The following JARID2 variants were observed in gnomAD, a reference collection of about 807,000 sequenced individuals.
The protein encoded by JARID2 is protein Jumonji.
Under a neutral mutation model 125.6 loss-of-function variants are expected in JARID2, and 21 were observed. The observed-to-expected ratio is 0.17, with a 90% CI of 0.12 to 0.24. JARID2 has a LOEUF of 0.24. Among genes scored for constraint, JARID2 ranks in the 10% least tolerant of loss-of-function variants. The pLI is 1.00. For synonymous variants in JARID2, 736 were observed against 661.6 expected (o/e 1.11, Z -1.73); for missense variants, 1,303 against 1,639.6 (o/e 0.79, Z 3.55).
intron 5 of JARID2, among the ~76,000 whole-genome samples, chr6:15,482,016 ACAAT>A (rs1769643823): frequency 6.6e-6 from 1 of 152,222 alleles, no homozygotes; most frequent in Non-Finnish European, 1.5e-5. Context: ...ACCTCAAAAT[ACAAT>A]CAAAGAGTTG....
chr6:15,287,910 G>C lies in JARID2; in HGVS notation c.45+41326G>C, dbSNP rs57445761. On this transcript the variant is annotated intron_variant, in intron 1 of 17. Coordinates refer to ENST00000341776, the MANE Select transcript of JARID2 (RefSeq NM_004973.4). ...TGTGAGCTTTCGGGGTGTGGTGACT[G>C]TTTCTGCCCCATTTACCGTTGATCT... Among the ~76,000 whole-genome samples the C allele has an allele frequency of 9.8e-3, 1,494 of 152,284 alleles. 27 individuals carry two copies. Among genetic ancestry groups the C allele is most frequent in the African/African-American group, 0.034 (1,413 of 41,554 alleles).
At chr6:15,463,339 T>G (rs528769564) in intron 4 of JARID2, among the ~76,000 whole-genome samples, 10 of 152,186 alleles carry the variant, frequency 6.6e-5, no homozygotes, top group African/African-American at 2.4e-4. Flanking sequence ...TCTCACTTGC[T>G]AAATAATGTG....
intron 1 of JARID2, among the ~76,000 whole-genome samples, chr6:15,263,403 C>T (rs1428936687): frequency 2.0e-5 from 3 of 152,020 alleles, no homozygotes; most frequent in African/African-American, 7.3e-5. Flanking sequence ...TCCAAGCCTG[C>T]TGAACCAAAA....
chr6:15,351,419 G>A (rs890052780), intron 1 of JARID2, among the ~76,000 whole-genome samples: 2 of 152,156 alleles, frequency 1.3e-5, no homozygotes, highest in Non-Finnish European at 2.9e-5. Context: ...TTCTAGCTGG[G>A]GTCCTCATGG....
chr6:15,462,670 A>G (rs1401200151), intron 4 of JARID2, among the ~76,000 whole-genome samples: 1 of 152,268 alleles, frequency 6.6e-6, no homozygotes, highest in Non-Finnish European at 1.5e-5. Context: ...AATTGGGTCA[A>G]GCAATAGAAT....
intron 1 of JARID2, among the ~76,000 whole-genome samples, chr6:15,312,003 C>G (rs890291858): frequency 6.6e-6 from 1 of 152,262 alleles, no homozygotes; most frequent in South Asian, 2.1e-4. Flanking sequence ...ATAGCTCATT[C>G]TACATATGCA....
intron 4 of JARID2, among the ~76,000 whole-genome samples, chr6:15,454,968 G>A (rs757782130): frequency 2.1e-4 from 32 of 152,144 alleles, no homozygotes; most frequent in Non-Finnish European, 4.4e-5. Context: ...AATGGAGAAC[G>A]AGTGGGATGT....
chr6:15,394,522 C>T (rs1765146052), intron 2 of JARID2, among the ~76,000 whole-genome samples: 1 of 152,040 alleles, frequency 6.6e-6, no homozygotes, highest in Non-Finnish European at 1.5e-5. Flanking sequence ...TTGGTTGAGC[C>T]CGGAAGGTCG....
At position 15,474,626 on chromosome 6, in the gene JARID2, C is replaced by T. The variant is rs1056754021; in HGVS notation, c.670+5908C>T. On this transcript the variant is annotated intron_variant, in intron 5 of 17. Coordinates refer to ENST00000341776, the MANE Select transcript of JARID2 (RefSeq NM_004973.4). ...TCATTTATATCCCAGCATAAGGAAACAATGAGGCTGTATCATGGGCAGCAG... is the reference window on the plus strand; with the variant it reads ...TCATTTATATCCCAGCATAAGGAAATAATGAGGCTGTATCATGGGCAGCAG... Among the ~76,000 whole-genome samples, 4 of 152,228 alleles carry T rather than the reference C, an allele frequency of 2.6e-5. No individual in the cohort carries two copies. In the East Asian group the frequency reaches 5.8e-4, roughly 22 times the overall value.
rs577686387 is a variant in JARID2 at position 15,400,644 on chromosome 6, C to T, written c.182-9580C>T. ...AAATGGCAGGATGAAAAGCTAGTGA[C>T]TCTTTTCCTTTTTCTCATTTTAATT... On this transcript the variant is annotated intron_variant, in intron 2 of 17. Coordinates refer to ENST00000341776, the MANE Select transcript of JARID2 (RefSeq NM_004973.4). Among the ~76,000 whole-genome samples the T allele has an allele frequency of 5.3e-5, 7 of 131,340 alleles. No individual in the cohort carries two copies. The South Asian group carries it at 1.8e-3, about 35-fold the overall frequency. The allele number at this position is 131,340 out of a possible 152,430, so 86.2% of individuals were successfully genotyped here.
intron 1 of JARID2, among the ~76,000 whole-genome samples, chr6:15,319,475 G>A (rs903780379): frequency 9.2e-5 from 14 of 152,158 alleles, no homozygotes; most frequent in Admixed American, 2.6e-4. Context: ...TCAGCTCATT[G>A]CAACCTCTGC....
At chr6:15,324,918 T>C (rs1762488306) in intron 1 of JARID2, among the ~76,000 whole-genome samples, 1 of 151,728 alleles carries the variant, frequency 6.6e-6, no homozygotes, top group African/African-American at 2.4e-5. Flanking sequence ...TTCCCTGCCC[T>C]TTGTCAAAGA....
intron 4 of JARID2, among the ~76,000 whole-genome samples, chr6:15,463,634 G>C (rs1364471581): frequency 2.6e-5 from 4 of 151,948 alleles, no homozygotes; most frequent in Non-Finnish European, 4.4e-5. Context: ...GTTTCGCCAC[G>C]TGGGCCTGGC....
At chr6:15,348,099 G>GT (rs145622180) in intron 1 of JARID2, among the ~76,000 whole-genome samples, 22,117 of 146,286 alleles carry the variant, frequency 0.15, 1,793 homozygotes, top group South Asian at 0.26. Context: ...GTTTTGTTCT[G>GT]TTTTTTTTTT....
chr6:15,507,296 T>C lies in JARID2; in HGVS notation c.2660+42T>C, dbSNP rs1243391344. 8 of 1,598,230 alleles carry C rather than the reference T, an allele frequency of 5.0e-6. No individual in the cohort carries two copies. The South Asian group carries it at 8.8e-5, about 18-fold the overall frequency. On this transcript the variant is annotated intron_variant, in intron 10 of 17. Coordinates refer to ENST00000341776, the MANE Select transcript of JARID2 (RefSeq NM_004973.4). ...TCGTCCAGGTTCTTGGGGATGTGAC[T>C]GCATCCTTTCCCCGCCAGTTTGTAA...
At chr6:15,337,084 TGCCTCTCTTCCA>T (rs955486441) in intron 1 of JARID2, among the ~76,000 whole-genome samples, 25 of 152,294 alleles carry the variant, frequency 1.6e-4, no homozygotes, top group Middle Eastern at 6.8e-3. Context: ...TCTCTCTTCC[TGCCTCTCTTCCA>T]AAACCCTGCC....
intron 1 of JARID2, among the ~76,000 whole-genome samples, chr6:15,334,064 A>G (rs1211736861): frequency 1.3e-5 from 2 of 152,326 alleles, no homozygotes; most frequent in Non-Finnish European, 2.9e-5. Context: ...CTTGCTCAGT[A>G]CATGCAGAGG....
At chr6:15,282,209 C>G (rs1022670535) in intron 1 of JARID2, among the ~76,000 whole-genome samples, 1 of 152,028 alleles carries the variant, frequency 6.6e-6, no homozygotes, top group Admixed American at 6.5e-5. Flanking sequence ...TCCCAAAGTG[C>G]TGAGATTACA....
chr6:15,247,531 CTCTT>C (rs1185920657), intron 1 of JARID2: 21 of 812,934 alleles, frequency 2.6e-5, no homozygotes, highest in Middle Eastern at 6.3e-4. Context: ...AATTAAATAA[CTCTT>C]TTTTTTTTTC....
Sources: gnomAD v4.1 joint callset for allele counts (sites outside exome capture counted in the v4.1 genomes callset) on GRCh38, gnomAD v4.1.1 for gene constraint, MANE v1.5 for transcripts, NCBI Gene and HGNC (gene_info 2026-07-23, HGNC 2026-07-21) for gene names.